KIF1A: variants seen among roughly 807,000 people sequenced by gnomAD.
KIF1A encodes the protein kinesin family member 1A.
In KIF1A, 46 loss-of-function variants were observed where a neutral mutation model predicts 227.3. The ratio of observed to expected loss-of-function variants is 0.20; its 90% CI spans 0.16 to 0.26. The LOEUF (loss-of-function observed/expected upper bound fraction) is 0.26, where lower values mean the gene tolerates loss of function less well. Among genes scored for constraint, KIF1A ranks in the 10% least tolerant of loss-of-function variants. KIF1A has a pLI of 1.00. For missense variants in KIF1A, 1,683 were observed against 2,485.9 expected, an observed-to-expected ratio of 0.68 and a Z score of 6.87; for synonymous variants, 1,022 against 1,012.8, an observed-to-expected ratio of 1.01 and a Z score of -0.17.
intron 6 of KIF1A, among the ~76,000 whole-genome samples, chr2:240,785,381 T>G (rs1040870582): frequency 6.6e-6 from 1 of 152,154 alleles, no homozygotes; most frequent in African/African-American, 2.4e-5. Context: ...GAGAAGCCCA[T>G]GCAGTGCCCA....
chr2:240,747,378 G>T, intron 28 of KIF1A, 57 bp from the exon 29 acceptor site: 1 of 1,441,484 alleles, frequency 6.9e-7, no homozygotes, highest in South Asian at 1.2e-5. Flanking sequence ...AGGTGGGTGT[G>T]GGCAGAGCCA....
chr2:240,772,676 C>A (rs929762905), intron 13 of KIF1A, 80 bp from the exon 14 acceptor site: 3 of 1,194,838 alleles, frequency 2.5e-6, no homozygotes, highest in Middle Eastern at 1.9e-4. Flanking sequence ...GTCAGGCACG[C>A]CTTTCACAGG....
rs769411908 is a variant in KIF1A at position 240,782,652 on chromosome 2, T to C, written c.865-45A>G. The C allele has an allele frequency of 2.9e-5, 45 of 1,548,550 alleles. No individual in the cohort carries two copies. The South Asian group carries it at 3.1e-4, about 11-fold the overall frequency. On this transcript the variant is annotated intron_variant, in intron 9 of 48. Transcript: ENST00000498729. ...GAGAGGCTGAGGCCCGGAGCGAAGC[T>C]GGCGCGGGCTGTGGGGGCGGAAGAG... is the stretch of plus-strand genomic sequence containing the variant.
Position 240,757,617 on chromosome 2 carries a change from G to C in KIF1A, c.2583-23C>G, listed in dbSNP as rs1438992121. 1.9e-6 allele frequency: 3 copies of C among 1,541,898 alleles called. No homozygotes were observed. The highest frequency in any genetic ancestry group is 2.6e-6 in the Non-Finnish European group (3 of 1,142,872). On this transcript the variant is annotated intron_variant, in intron 26 of 48. Transcript: ENST00000498729. This position sits in a 1 kb window ranked among gnomAD's most constrained non-coding sequence, Gnocchi z 6.2. ...GAACTGAGGTTAGTGCGACAAGACAGAGAGAAGTTAACACCAGCGACTCGC... is the reference window on the plus strand; with the variant it reads ...GAACTGAGGTTAGTGCGACAAGACACAGAGAAGTTAACACCAGCGACTCGC...
At chr2:240,760,555 C>A (rs114466649) in intron 25 of KIF1A, 110 bp downstream of exon 25, 2 of 719,030 alleles carry the variant, frequency 2.8e-6, no homozygotes, top group African/African-American at 3.7e-5. Flanking sequence ...GGAGGAACAG[C>A]GGTGTCTGCA....
At chr2:240,777,110 C>G (rs190664643) in intron 10 of KIF1A, among the ~76,000 whole-genome samples, 1 of 152,308 alleles carries the variant, frequency 6.6e-6, no homozygotes, top group East Asian at 1.9e-4. Context: ...GTGGCACGAT[C>G]GCGGCTCACT....
chr2:240,737,808 G>T (rs1385968036), intron 37 of KIF1A, among the ~76,000 whole-genome samples: 1 of 152,206 alleles, frequency 6.6e-6, no homozygotes, highest in Non-Finnish European at 1.5e-5. Flanking sequence ...TGACAGTTCT[G>T]CTCATTCAAA....
chr2:240,762,822 G>A lies in KIF1A; in HGVS notation c.2023-10C>T. 2 of 1,577,326 alleles carry A rather than the reference G, an allele frequency of 1.3e-6. No homozygotes were observed. The highest frequency in any genetic ancestry group is 2.3e-5 in the East Asian group (1 of 43,282). Reference sequence around the variant, plus strand: ...GCTTGCTCTCATAGTCCTGCAGAAAGCAAGGCCTGTGACTCCACTACGGCC... The same window carrying A: ...GCTTGCTCTCATAGTCCTGCAGAAAACAAGGCCTGTGACTCCACTACGGCC... On this transcript the variant is annotated splice_polypyrimidine_tract_variant and intron_variant, in intron 22 of 48. Coordinates refer to ENST00000498729, the MANE Select transcript of KIF1A (RefSeq NM_001244008.2).
At chr2:240,782,718 C>G in intron 9 of KIF1A, 111 bp from the exon 10 acceptor site, 1 of 1,157,164 alleles carries the variant, frequency 8.6e-7, no homozygotes, top group South Asian at 1.3e-5. Context: ...GACTCAGGCT[C>G]TACCACCCCG....
chr2:240,812,290 C>A (rs13419992), intron 1 of KIF1A, among the ~76,000 whole-genome samples: 1 of 152,174 alleles, frequency 6.6e-6, no homozygotes, highest in Non-Finnish European at 1.5e-5. Context: ...GATGACAAAG[C>A]GTGCCTCAGC....
rs1213210994 is a variant in KIF1A at position 240,730,280 on chromosome 2, CACAGCATGGGA to C, written c.4008-3351_4008-3341del. Reference sequence around the variant, plus strand: ...GTTGGGGCCCACCGGGCTTGCAGGGCACAGCATGGGAACCACTGATGGGTGCCCTGTGATCA... The same window carrying C: ...GTTGGGGCCCACCGGGCTTGCAGGGCACCACTGATGGGTGCCCTGTGATCA... On this transcript the variant is annotated intron_variant, in intron 38 of 48. Coordinates refer to ENST00000498729, the MANE Select transcript of KIF1A (RefSeq NM_001244008.2). 2.0e-5 allele frequency among the ~76,000 whole-genome samples: 3 copies of C among 152,336 alleles called. No homozygotes were observed. In the East Asian group the frequency reaches 5.8e-4, roughly 29 times the overall value.
intron 24 of KIF1A, 124 bp downstream of exon 24, chr2:240,761,105 G>T: frequency 8.2e-7 from 1 of 1,213,620 alleles, no homozygotes. Flanking sequence ...GGTCAGGCAG[G>T]GCTGCTATGC....
Position 240,779,472 on chromosome 2 carries a change from T to A in KIF1A, c.882+3118A>T, listed in dbSNP as rs968729801. 3.3e-4 allele frequency among the ~76,000 whole-genome samples: 44 copies of A among 133,102 alleles called. 2 individuals are homozygous for A. The South Asian group carries it at 9.7e-3, about 29-fold the overall frequency. The allele number at this position is 133,102 out of a possible 152,430, so 87.3% of individuals were successfully genotyped here. A position where few individuals can be genotyped will look rare whatever the true frequency, so the allele number is the denominator to read the frequency against. ...TCCTCATAGTTCCACACTCAGTTCC[T>A]CACTCAGTTCCTCACTCAGTTCCAC... On this transcript the variant is annotated intron_variant, in intron 10 of 48. Coordinates refer to ENST00000498729, the MANE Select transcript of KIF1A (RefSeq NM_001244008.2).
rs374164102 is a variant in KIF1A, at chr2:240,767,047, C to A, written c.1578-26G>T. 16 of 1,555,520 alleles carry A rather than the reference C, an allele frequency of 1.0e-5. No individual in the cohort carries two copies. The African/African-American group carries it at 1.9e-4, about 18-fold the overall frequency. ...CTGCGGGGTGGGGGCACCATCAGCA[C>A]GGCAGCTGGGACCCAATACACCCAG... On this transcript the variant is annotated intron_variant, in intron 18 of 48. Transcript: ENST00000498729.
At chr2:240,737,489 AG>A (rs2047476252) in intron 37 of KIF1A, 2 of 179,896 alleles carry the variant, frequency 1.1e-5, no homozygotes, top group African/African-American at 2.3e-5. Flanking sequence ...AGGCTAAGCA[AG>A]ACACAGAGGA....
chr2:240,731,084 C>CT (rs1312985743), intron 38 of KIF1A, among the ~76,000 whole-genome samples: 3 of 151,756 alleles, frequency 2.0e-5, no homozygotes, highest in Non-Finnish European at 4.4e-5. Flanking sequence ...AGCTCGAAAC[C>CT]TGGCCTGAGG....
rs2045881614 is a variant in KIF1A at position 240,725,240 on chromosome 2, G to A, written c.4256+31C>T. On this transcript the variant is annotated intron_variant, in intron 40 of 48. Coordinates refer to ENST00000498729, the MANE Select transcript of KIF1A (RefSeq NM_001244008.2). This position sits in a 1 kb window ranked among gnomAD's most constrained non-coding sequence, Gnocchi z 5.8. Reference sequence around the variant, plus strand: ...GGCCCGCACCGAGACCAGGGTGGGAGTCCATGTGGTCCTCACCCCTGGGAG... The same window carrying A: ...GGCCCGCACCGAGACCAGGGTGGGAATCCATGTGGTCCTCACCCCTGGGAG... 1 of 1,574,656 alleles carries A rather than the reference G, an allele frequency of 6.4e-7. No individual in the cohort carries two copies. Among genetic ancestry groups the A allele is most frequent in the Non-Finnish European group, 8.6e-7 (1 of 1,160,738 alleles).
intron 1 of KIF1A, among the ~76,000 whole-genome samples, chr2:240,812,924 A>ACCTCGGGTCC (rs1205330618): frequency 2.2e-5 from 1 of 46,308 alleles, no homozygotes; most frequent in Non-Finnish European, 4.6e-5. Flanking sequence ...CTCGGGGATC[A>ACCTCGGGTCC]GCCTTCACCT....
At chr2:240,796,713 C>A (rs1463562022) in intron 2 of KIF1A, among the ~76,000 whole-genome samples, 1 of 152,138 alleles carries the variant, frequency 6.6e-6, no homozygotes, top group Non-Finnish European at 1.5e-5. Context: ...AGCCACAGAG[C>A]TCCACGGGCT....
Sources: gnomAD v4.1 joint callset for allele counts (sites outside exome capture counted in the v4.1 genomes callset) on GRCh38, gnomAD v4.1.1 for gene constraint, Gnocchi (gnomAD v3.1) non-coding constraint, MANE v1.5 for transcripts, NCBI Gene and HGNC (gene_info 2026-07-23, HGNC 2026-07-21) for gene names.